DPP10: variants seen among roughly 807,000 people sequenced by gnomAD.
DPP10 encodes inactive dipeptidyl peptidase 10.
DPP10 carries 33 observed loss-of-function variants against 120.9 expected under a neutral mutation model. The observed-to-expected ratio is 0.27, with a 90% CI of 0.21 to 0.37. The LOEUF is 0.37. Among genes scored for constraint, DPP10 ranks in the 10% least tolerant of loss-of-function variants. DPP10 has a pLI of 1.00. For missense variants in DPP10, 816 were observed against 942.8 expected (o/e 0.87, Z 1.76); for synonymous variants, 337 against 326.1 (o/e 1.03, Z -0.36).
intron 7 of DPP10, among the ~76,000 whole-genome samples, chr2:115,718,438 T>C (rs2092559462): frequency 6.6e-6 from 1 of 152,206 alleles, no homozygotes; most frequent in Non-Finnish European, 1.5e-5. Context: ...TGAAAAAAGT[T>C]ATCTTTCAGA....
intron 12 of DPP10, among the ~76,000 whole-genome samples, chr2:115,765,353 A>G (rs528743223): frequency 3.9e-5 from 6 of 152,158 alleles, no homozygotes; most frequent in Non-Finnish European, 8.8e-5. Flanking sequence ...TCTGGTGGAT[A>G]GAGTGATATA....
chr2:115,599,085 TTC>T (rs2083165265), intron 5 of DPP10, among the ~76,000 whole-genome samples: 1 of 152,048 alleles, frequency 6.6e-6, no homozygotes, highest in African/African-American at 2.4e-5. Context: ...ATATGTTATT[TTC>T]ACTGAGTAGT....
rs1257152313 is a variant in DPP10, at chr2:115,739,983, CT to C, written c.852+93del. ...TATTCTTGGTTCTTGAACAAGTTGT[CT>C]TTGGAGGAAAACAGAAGTTTTCCTT... On this transcript the variant is annotated intron_variant, in intron 9 of 25. Transcript: ENST00000410059. The C allele has an allele frequency of 6.0e-5, 87 of 1,441,486 alleles. 1 individual carries two copies. The South Asian group carries it at 1.0e-3, about 17-fold the overall frequency. 89.3% of individuals were successfully genotyped at this position (1,441,486 alleles called of 1,614,324 possible).
intron 1 of DPP10, among the ~76,000 whole-genome samples, chr2:114,593,712 G>T (rs1691649201): frequency 6.6e-6 from 1 of 152,138 alleles, no homozygotes; most frequent in Admixed American, 6.5e-5. Context: ...TAGCAAACGG[G>T]TCTAGCTTTC....
intron 1 of DPP10, among the ~76,000 whole-genome samples, chr2:115,045,891 T>C (rs1416110614): frequency 6.6e-6 from 1 of 152,182 alleles, no homozygotes; most frequent in Non-Finnish European, 1.5e-5. Flanking sequence ...ATTTATCAAT[T>C]CTATTAGTTT....
At chr2:115,486,653 A>G (rs1240946243) in intron 3 of DPP10, among the ~76,000 whole-genome samples, 1 of 152,196 alleles carries the variant, frequency 6.6e-6, no homozygotes, top group Non-Finnish European at 1.5e-5. Context: ...TTTTAACTGA[A>G]GAAAGTTAAT....
At chr2:114,876,672 A>G (rs1691189628) in intron 1 of DPP10, among the ~76,000 whole-genome samples, 1 of 152,072 alleles carries the variant, frequency 6.6e-6, no homozygotes, top group Non-Finnish European at 1.5e-5. Context: ...ATCTTTGCTC[A>G]ATGTCCTCAT....
chr2:115,486,799 G>T (rs538837410), intron 3 of DPP10, among the ~76,000 whole-genome samples: 3 of 152,038 alleles, frequency 2.0e-5, no homozygotes, highest in African/African-American at 4.8e-5. Flanking sequence ...TGAAATGGTC[G>T]TGTGAAAATT....
intron 1 of DPP10, among the ~76,000 whole-genome samples, chr2:114,910,515 T>G (rs1424834135): frequency 6.6e-6 from 1 of 152,116 alleles, no homozygotes; most frequent in African/African-American, 2.4e-5. Context: ...CTGAGAGATT[T>G]TAAAACACGT....
chr2:115,527,996 T>G (rs1190802528), intron 5 of DPP10, among the ~76,000 whole-genome samples: 2 of 152,138 alleles, frequency 1.3e-5, no homozygotes, highest in Non-Finnish European at 2.9e-5. Context: ...GTTCCAAGTC[T>G]TTGCTATTGT....
At chr2:115,431,959 A>G (rs1165821291) in intron 3 of DPP10, among the ~76,000 whole-genome samples, 1 of 152,142 alleles carries the variant, frequency 6.6e-6, no homozygotes, top group African/African-American at 2.4e-5. Context: ...TAATAAGGCA[A>G]ATAAGCTGCT....
chr2:115,151,277 T>G (rs1029443170), intron 1 of DPP10, among the ~76,000 whole-genome samples: 2 of 152,188 alleles, frequency 1.3e-5, no homozygotes, highest in African/African-American at 2.4e-5. Flanking sequence ...TTGCCCTACA[T>G]GCCCAAGTAA....
At chr2:114,673,576 C>A (rs1321878833) in intron 1 of DPP10, among the ~76,000 whole-genome samples, 1 of 152,032 alleles carries the variant, frequency 6.6e-6, no homozygotes, top group East Asian at 1.9e-4. Flanking sequence ...CTGCCTCAGC[C>A]TCCCAAGAAG....
chr2:114,977,227 C>T (rs769241137), intron 1 of DPP10, among the ~76,000 whole-genome samples: 1 of 151,792 alleles, frequency 6.6e-6, no homozygotes, highest in Non-Finnish European at 1.5e-5. Context: ...TGTTGTGATC[C>T]TCTCAACACA....
At chr2:115,118,041 A>G (rs2049613869) in intron 1 of DPP10, among the ~76,000 whole-genome samples, 1 of 152,304 alleles carries the variant, frequency 6.6e-6, no homozygotes, top group African/African-American at 2.4e-5. Context: ...TTTAAGAAAA[A>G]TCTTTTTCAC....
At chr2:114,763,089 G>T (rs965433075) in intron 1 of DPP10, among the ~76,000 whole-genome samples, 18 of 152,196 alleles carry the variant, frequency 1.2e-4, no homozygotes, top group Non-Finnish European at 2.4e-4. Flanking sequence ...GTTAAAAAAA[G>T]ATCAGCAAAT....
intron 1 of DPP10, among the ~76,000 whole-genome samples, chr2:114,858,643 T>A (rs533945545): frequency 1.3e-5 from 2 of 152,306 alleles, no homozygotes; most frequent in East Asian, 3.9e-4. Flanking sequence ...CCATTGAAAC[T>A]CTGAAAATGA....
intron 1 of DPP10, among the ~76,000 whole-genome samples, chr2:115,062,128 C>CTGTGTGTGTG: frequency 7.0e-6 from 1 of 143,878 alleles, no homozygotes; most frequent in Non-Finnish European, 1.5e-5. Flanking sequence ...GATTACAGTT[C>CTGTGTGTGTG]TGTGTGTGTG....
intron 21 of DPP10, among the ~76,000 whole-genome samples, chr2:115,825,607 A>G (rs777586498): frequency 3.3e-5 from 5 of 152,278 alleles, no homozygotes; most frequent in Non-Finnish European, 5.9e-5. Context: ...TCAAACTCCA[A>G]TTCAAACCTT....
Sources: gnomAD v4.1 joint callset for allele counts (sites outside exome capture counted in the v4.1 genomes callset) on GRCh38, gnomAD v4.1.1 for gene constraint, MANE v1.5 for transcripts, NCBI Gene and HGNC (gene_info 2026-07-23, HGNC 2026-07-21) for gene names.